The following RAB21 variants were observed in gnomAD, a reference collection of about 807,000 sequenced individuals.
RAB21 encodes RAB21, member RAS oncogene family.
In RAB21, 13 loss-of-function variants were observed where a neutral mutation model predicts 33.1. That is an observed-to-expected ratio of 0.39 (90% CI 0.26 to 0.62). The LOEUF is 0.62. RAB21 is among the 20% of genes least tolerant of loss of function. RAB21 has a pLI of 0.48. For missense variants in RAB21, 234 were observed against 279.1 expected, an observed-to-expected ratio of 0.84 and a Z score of 1.15; for synonymous variants, 91 against 103.7, an observed-to-expected ratio of 0.88 and a Z score of 0.74.
At position 71,798,990 on chromosome 12, in the gene RAB21, T is replaced by C. The variant is rs1883502620; in HGVS notation, c.*13317T>C. On this transcript the variant is annotated 3_prime_UTR_variant, in exon 7 of 7. Transcript: ENST00000261263. ...AGGCAAAAGTGAAGCAGAGGCCAAG[T>C]TTTGAAGTTCTTGAATGTTACGAGG... is the stretch of plus-strand genomic sequence containing the variant. 1 of 152,210 alleles carries C rather than the reference T, an allele frequency of 6.6e-6. No homozygotes were observed. The highest frequency in any genetic ancestry group is 1.5e-5 in the Non-Finnish European group (1 of 68,052). The allele number at this position is 152,210 out of a possible 1,614,324, so 9.4% of individuals were successfully genotyped here.
chr12:71,765,720 A>G (rs1592644364), intron 1 of RAB21, among the ~76,000 whole-genome samples: 1 of 151,842 alleles, frequency 6.6e-6, no homozygotes, highest in Non-Finnish European at 1.5e-5. Flanking sequence ...TCTTTTCCCA[A>G]ATTTCTGTTT....
At chr12:71,784,288 A>G (rs973707081) in intron 6 of RAB21, among the ~76,000 whole-genome samples, 3 of 152,062 alleles carry the variant, frequency 2.0e-5, no homozygotes, top group Admixed American at 1.3e-4. Context: ...CTTAAAGTGC[A>G]GTTTTAAGTT....
At chr12:71,774,756 TAA>T (rs34870844) in intron 4 of RAB21, among the ~76,000 whole-genome samples, 30 of 133,742 alleles carry the variant, frequency 2.2e-4, no homozygotes, top group Non-Finnish European at 1.9e-4. Flanking sequence ...GACTGTGTCT[TAA>T]AAAAAAAAAA....
intron 1 of RAB21, 61 bp downstream of exon 1, chr12:71,755,349 A>C: frequency 2.1e-6 from 3 of 1,421,288 alleles, no homozygotes; most frequent in Non-Finnish European, 2.7e-6. Flanking sequence ...GGGGCTGGGG[A>C]AACTTTGCCG....
chr12:71,756,194 C>T (rs1882783135), intron 1 of RAB21, among the ~76,000 whole-genome samples: 2 of 152,198 alleles, frequency 1.3e-5, no homozygotes, highest in Non-Finnish European at 2.9e-5. Flanking sequence ...TGTCCAGGTT[C>T]ATGTCTCACC....
chr12:71,779,371 T>TTGA (rs1421794948), intron 4 of RAB21, among the ~76,000 whole-genome samples: 1 of 152,136 alleles, frequency 6.6e-6, no homozygotes, highest in African/African-American at 2.4e-5. Flanking sequence ...GGAGAATCGC[T>TTGA]TGAGCCCGGG....
Position 71,785,871 on chromosome 12 carries a change from C to T in RAB21, c.*198C>T. The stretch of plus-strand genomic sequence containing the variant: ...TTTGTGACCAGAGAATTGGCATTTT[C>T]TACAAATGTTTTTTTTTGTTTTTTT... On this transcript the variant is annotated 3_prime_UTR_variant, in exon 7 of 7. Transcript: ENST00000261263. 3.7e-5 allele frequency: 19 copies of T among 510,890 alleles called. No individual in the cohort carries two copies. The highest frequency in any genetic ancestry group is 2.6e-4 in the South Asian group (6 of 22,904). 31.6% of individuals were successfully genotyped at this position (510,890 alleles called of 1,614,324 possible). A position where few individuals can be genotyped will look rare whatever the true frequency, so the allele number is the denominator to read the frequency against.
intron 1 of RAB21, among the ~76,000 whole-genome samples, chr12:71,764,722 C>T (rs542206732): frequency 2.6e-5 from 4 of 152,284 alleles, no homozygotes; most frequent in South Asian, 4.1e-4. Context: ...GTTTTCCATT[C>T]TTGAGCTACT....
At chr12:71,776,481 A>G (rs1447825047) in intron 4 of RAB21, among the ~76,000 whole-genome samples, 1 of 152,162 alleles carries the variant, frequency 6.6e-6, no homozygotes, top group Non-Finnish European at 1.5e-5. Flanking sequence ...TAATGTTCAT[A>G]TTATAAGACG....
chr12:71,779,186 G>A lies in RAB21; in HGVS notation c.392-2845G>A, dbSNP rs79293593. Among the ~76,000 whole-genome samples, 320 of 152,294 alleles carry A rather than the reference G, an allele frequency of 2.1e-3. 3 individuals carry two copies. The highest frequency in any genetic ancestry group is 0.01 in the East Asian group (52 of 5,184). On this transcript the variant is annotated intron_variant, in intron 4 of 6. Transcript: ENST00000261263. ...CAAAATATTACAGTTATGGCCAGGCGTGGTGACTCTGGCCTTTAATCCGAG... is the reference window on the plus strand; with the variant it reads ...CAAAATATTACAGTTATGGCCAGGCATGGTGACTCTGGCCTTTAATCCGAG...
intron 3 of RAB21, among the ~76,000 whole-genome samples, chr12:71,772,776 T>G (rs1176671343): frequency 6.6e-6 from 1 of 152,232 alleles, no homozygotes; most frequent in Admixed American, 6.5e-5. Context: ...GAAAACTTTG[T>G]ACATATATGT....
intron 1 of RAB21, among the ~76,000 whole-genome samples, chr12:71,764,659 T>C (rs1325307998): frequency 6.6e-6 from 1 of 152,096 alleles, no homozygotes; most frequent in Non-Finnish European, 1.5e-5. Context: ...TTCTTACACC[T>C]TTGCATCCTC....
At chr12:71,783,032 GTGTT>G (rs568566603) in intron 6 of RAB21, among the ~76,000 whole-genome samples, 489 of 152,214 alleles carry the variant, frequency 3.2e-3, no homozygotes, top group Non-Finnish European at 4.4e-3. Context: ...GTGAAAAAGA[GTGTT>G]TGTGAAACAA....
Position 71,791,909 on chromosome 12 carries a change from G to A in RAB21, c.*6236G>A, listed in dbSNP as rs986105081. On this transcript the variant is annotated 3_prime_UTR_variant, in exon 7 of 7. Coordinates refer to ENST00000261263, the MANE Select transcript of RAB21 (RefSeq NM_014999.4). ...AGACAGGGTCTTGCTTTGCCGCACAGACTAGAATGCAGTAGCATGATCATA... is the reference window on the plus strand; with the variant it reads ...AGACAGGGTCTTGCTTTGCCGCACAAACTAGAATGCAGTAGCATGATCATA... 6.6e-6 allele frequency: 1 copy of A among 152,076 alleles called. No individual in the cohort carries two copies. Among genetic ancestry groups the A allele is most frequent in the Non-Finnish European group, 1.5e-5 (1 of 68,026 alleles). The allele number at this position is 152,076 out of a possible 1,614,324, so 9.4% of individuals were successfully genotyped here. A position where few individuals can be genotyped will look rare whatever the true frequency, so the allele number is the denominator to read the frequency against.
chr12:71,775,242 T>C (rs545544411), intron 4 of RAB21, among the ~76,000 whole-genome samples: 7 of 152,330 alleles, frequency 4.6e-5, no homozygotes, highest in African/African-American at 1.4e-4. Context: ...CATGTAATCC[T>C]CATAATCCTA....
chr12:71,787,166 A>T lies in RAB21; in HGVS notation c.*1493A>T, dbSNP rs549529375. 6.6e-6 allele frequency: 1 copy of T among 152,316 alleles called. No homozygotes were observed. Among genetic ancestry groups the T allele is most frequent in the Non-Finnish European group, 1.5e-5 (1 of 68,030 alleles). The allele number at this position is 152,316 out of a possible 1,614,324, so 9.4% of individuals were successfully genotyped here. On this transcript the variant is annotated 3_prime_UTR_variant, in exon 7 of 7. Coordinates refer to ENST00000261263, the MANE Select transcript of RAB21 (RefSeq NM_014999.4). ...CTATCCTGAGTTTCTGTGGATGGAA[A>T]CATTACATGTAATGCAGATATAGTG... is the stretch of plus-strand genomic sequence containing the variant.
chr12:71,772,299 T>C (rs572118288), intron 3 of RAB21, among the ~76,000 whole-genome samples: 76 of 152,308 alleles, frequency 5.0e-4, no homozygotes, highest in African/African-American at 1.8e-3. Flanking sequence ...GCTTTTTATA[T>C]GACAACTGGA....
At chr12:71,765,690 A>G (rs1038528423) in intron 1 of RAB21, among the ~76,000 whole-genome samples, 2 of 152,006 alleles carry the variant, frequency 1.3e-5, no homozygotes, top group Non-Finnish European at 2.9e-5. Context: ...TTTTCCTAGC[A>G]CCTTTTGTTA....
chr12:71,785,169 T>A (rs1883265422), intron 6 of RAB21, among the ~76,000 whole-genome samples: 2 of 152,218 alleles, frequency 1.3e-5, no homozygotes, highest in African/African-American at 2.4e-5. Flanking sequence ...TCCTGCCCCC[T>A]AAATATTACT....
Sources: allele counts gnomAD v4.1 joint callset (sites outside exome capture counted in the v4.1 genomes callset), GRCh38; gene constraint gnomAD v4.1.1; transcripts MANE v1.5; gene names NCBI Gene and HGNC (gene_info 2026-07-23, HGNC 2026-07-21).